The following PCSK9 variants were observed in gnomAD, a reference collection of about 807,000 sequenced individuals.
PCSK9 encodes the protein convertase subtilisin/kexin type 9 preproprotein.
PCSK9 carries 57 observed loss-of-function variants against 62.1 expected under a neutral mutation model. The ratio of observed to expected loss-of-function variants is 0.92; its 90% CI spans 0.74 to 1.14. PCSK9 has a LOEUF of 1.14. Ranked by LOEUF, PCSK9 falls within the 50% of genes most tolerant of loss-of-function variation. The probability of loss-of-function intolerance (pLI) is 0.00; values close to 1 mark genes in which losing one functional copy is unlikely to be tolerated. For missense variants in PCSK9, 870 were observed against 959.8 expected (o/e 0.91, Z 1.24); for synonymous variants, 387 against 409.4 (o/e 0.95, Z 0.66).
At position 55,063,645 on chromosome 1, in the gene PCSK9, G is replaced by A; in HGVS notation, c.*61G>A. ...AAGGGCTGGGGCTGAGCTTTAAAAT[G>A]GTTCCGACTTGTCCCTCTCTCAGCC... On this transcript the variant is annotated 3_prime_UTR_variant, in exon 12 of 12. Coordinates refer to ENST00000302118, the MANE Select transcript of PCSK9 (RefSeq NM_174936.4). The A allele has an allele frequency of 6.5e-7, 1 of 1,535,816 alleles. No homozygotes were observed. The highest frequency in any genetic ancestry group is 8.8e-7 in the Non-Finnish European group (1 of 1,135,054).
At chr1:55,047,847 C>G (rs1321276251) in intron 3 of PCSK9, among the ~76,000 whole-genome samples, 2 of 152,146 alleles carry the variant, frequency 1.3e-5, no homozygotes, top group African/African-American at 2.4e-5. Flanking sequence ...GTAGGAAGAG[C>G]CTGTTCCTTT....
At chr1:55,059,045 A>C (rs567745998) in intron 9 of PCSK9, among the ~76,000 whole-genome samples, 2 of 152,292 alleles carry the variant, frequency 1.3e-5, no homozygotes, top group Admixed American at 6.5e-5. Flanking sequence ...ACCAGCAAAA[A>C]AGTGGAATTG....
At chr1:55,050,800 C>T (rs1644667505) in intron 3 of PCSK9, 1 of 276,320 alleles carries the variant, frequency 3.6e-6, no homozygotes. Context: ...TAGTGGCCCC[C>T]ACAGATACAC....
chr1:55,055,360 C>T (rs1384112412), intron 5 of PCSK9, among the ~76,000 whole-genome samples: 1 of 152,082 alleles, frequency 6.6e-6, no homozygotes, highest in Non-Finnish European at 1.5e-5. Context: ...CTTCTCATTC[C>T]TCTGAGGCTC....
In PCSK9 at chr1:55,061,253, A is replaced by T; in HGVS notation, c.1682-122A>T. 4 of 1,118,892 alleles carry T rather than the reference A, an allele frequency of 3.6e-6. No homozygotes were observed. In the Admixed American group the frequency reaches 8.4e-5, roughly 23 times the overall value. 69.3% of individuals were successfully genotyped at this position (1,118,892 alleles called of 1,614,324 possible). A position where few individuals can be genotyped will look rare whatever the true frequency, so the allele number is the denominator to read the frequency against. ...AGGCCAGCATCTCTTTTTTTCTTTGAGTTGTTTCTAGGTTTCCTAGCTCTT... is the reference window on the plus strand; with the variant it reads ...AGGCCAGCATCTCTTTTTTTCTTTGTGTTGTTTCTAGGTTTCCTAGCTCTT... On this transcript the variant is annotated intron_variant, in intron 10 of 11. Transcript: ENST00000302118.
At chr1:55,051,373 G>A (rs1026048357) in intron 3 of PCSK9, 8 of 352,726 alleles carry the variant, frequency 2.3e-5, no homozygotes, top group African/African-American at 1.3e-4. Context: ...TTCCGCTGGC[G>A]CAGGACTCTG....
In PCSK9 at chr1:55,039,722, C is replaced by T; in HGVS notation, c.-116C>T. On this transcript the variant is annotated 5_prime_UTR_variant, in exon 1 of 12. Coordinates refer to ENST00000302118, the MANE Select transcript of PCSK9 (RefSeq NM_174936.4). ...GCGCGCCCCTTCACGCGCCCTGCTC[C>T]TGAACTTCAGCTCCTGCACAGTCCT... 10 of 1,279,338 alleles carry T rather than the reference C, an allele frequency of 7.8e-6. No individual in the cohort carries two copies. The highest frequency in any genetic ancestry group is 1.1e-5 in the Non-Finnish European group (10 of 916,626). 79.2% of individuals were successfully genotyped at this position (1,279,338 alleles called of 1,614,324 possible).
chr1:55,052,705 A>G lies in PCSK9; in HGVS notation c.713A>G (p.Asp238Gly), dbSNP rs1557503867. The G allele has an allele frequency of 6.2e-7, 1 of 1,613,146 alleles. No individual in the cohort carries two copies. Among genetic ancestry groups the G allele is most frequent in the Non-Finnish European group, 8.5e-7 (1 of 1,179,962 alleles). The change falls in exon 5 of 12, where the codon GAT becomes GGT. Residue 238 changes from aspartate to glycine, a missense_variant. By Grantham distance (94) the Asp-to-Gly change is moderately conservative (BLOSUM62 -1). Coordinates refer to ENST00000302118, the MANE Select transcript of PCSK9 (RefSeq NM_174936.4). Reference protein sequence around the residue: ...THLAGVVSGRDAGVAKGASMR... With the variant: ...THLAGVVSGRGAGVAKGASMR... ...CTGGCAGGGGTGGTCAGCGGCCGGG[A>G]TGCCGGCGTGGCCAAGGGTGCCAGC... is the stretch of plus-strand genomic sequence containing the variant.
At position 55,040,219 on chromosome 1, in the gene PCSK9, G is replaced by A. The variant is rs116806204; in HGVS notation, c.207+175G>A. Reference sequence around the variant, plus strand: ...GCAGGCAAGGCGGCGGGGGAGGACGGGTAGTGGGGAGCACGGTGGAGAGCG... The same window carrying A: ...GCAGGCAAGGCGGCGGGGGAGGACGAGTAGTGGGGAGCACGGTGGAGAGCG... On this transcript the variant is annotated intron_variant, in intron 1 of 11. Transcript: ENST00000302118. The surrounding 1 kb of genome is among the most constrained non-coding windows in gnomAD (Gnocchi z 4.1). Among the ~76,000 whole-genome samples, 411 of 152,322 alleles carry A rather than the reference G, an allele frequency of 2.7e-3. 1 individual carries two copies. Among genetic ancestry groups the A allele is most frequent in the Non-Finnish European group, 3.5e-3 (236 of 68,030 alleles).
chr1:55,056,559 C>G (rs948941687), intron 6 of PCSK9, among the ~76,000 whole-genome samples: 1 of 152,182 alleles, frequency 6.6e-6, no homozygotes, highest in East Asian at 1.9e-4. Flanking sequence ...CTGCCCAATA[C>G]TCTTTGGGCC....
At chr1:55,046,772 A>T in intron 3 of PCSK9, 126 bp downstream of exon 3, 1 of 1,070,918 alleles carries the variant, frequency 9.3e-7, no homozygotes, top group South Asian at 1.6e-5. Context: ...ACCTCCACTG[A>T]CCCCTTTTTT....
rs776456935 is a variant in PCSK9 at position 55,043,813 on chromosome 1, GTCA to G, written c.208-25_208-23del. 4.3e-5 allele frequency: 70 copies of G among 1,613,040 alleles called. No individual in the cohort carries two copies. The African/African-American group carries it at 8.0e-4, about 18-fold the overall frequency. On this transcript the variant is annotated intron_variant, in intron 1 of 11. Coordinates refer to ENST00000302118, the MANE Select transcript of PCSK9 (RefSeq NM_174936.4). ...CTAGGGTTTGCTGGGTTTCTTCCAT[GTCA>G]TCATGTTCCTCCTTGCATGGGGCCA...
chr1:55,056,938 C>T (rs981446471), intron 6 of PCSK9, among the ~76,000 whole-genome samples: 1 of 43,222 alleles, frequency 2.3e-5, no homozygotes, highest in African/African-American at 5.9e-5. Context: ...CTAGGTCCCC[C>T]CTGGCCTATC....
intron 1 of PCSK9, among the ~76,000 whole-genome samples, chr1:55,043,027 C>T (rs1644608073): frequency 6.6e-6 from 1 of 152,246 alleles, no homozygotes; most frequent in African/African-American, 2.4e-5. Flanking sequence ...GTAGGCTCCC[C>T]TTCACCTTCT....
rs768846693 is a variant in PCSK9 at position 55,052,739 on chromosome 1, C to A, written c.747C>A (p.Ser249Arg). 19 of 1,613,080 alleles carry A rather than the reference C, an allele frequency of 1.2e-5. No individual in the cohort carries two copies. Among genetic ancestry groups the A allele is most frequent in the East Asian group, 8.9e-5 (4 of 44,896 alleles). ...TGGCCAAGGGTGCCAGCATGCGCAG[C>A]CTGCGCGTGCTCAACTGCCAAGGGA... ...AGVAKGASMR[S>R]LRVLNCQGKG... The change falls in exon 5 of 12, where the codon AGC becomes AGA. Residue 249 changes from serine (S) to arginine (R), a missense_variant. Physicochemically the swap from Ser to Arg is moderately radical, Grantham distance 110 (BLOSUM62 -1). Transcript: ENST00000302118.
chr1:55,043,590 G>C (rs1048251209), intron 1 of PCSK9, among the ~76,000 whole-genome samples: 1 of 152,232 alleles, frequency 6.6e-6, no homozygotes, highest in South Asian at 2.1e-4. Context: ...ACCTGTTGTC[G>C]AGTGTGGCCC....
chr1:55,043,956 C>T lies in PCSK9; in HGVS notation c.321C>T (p.Tyr107=), dbSNP rs886039840. ...AGGCCCAGGCTGCCCGCCGGGGATA[C>T]CTCACCAAGATCCTGCATGTCTTCC... ...RLQAQAARRG[Y]LTKILHVFHG... is the part of the protein sequence containing the mutation. Residue 107 remains tyrosine, a synonymous_variant, in exon 2 of 12, where the codon TAC becomes TAT. Transcript: ENST00000302118. 6.2e-7 allele frequency: 1 copy of T among 1,614,236 alleles called. No individual in the cohort carries two copies. Among genetic ancestry groups the T allele is most frequent in the Non-Finnish European group, 8.5e-7 (1 of 1,180,044 alleles).
intron 6 of PCSK9, among the ~76,000 whole-genome samples, chr1:55,056,593 C>T (rs1005853379): frequency 6.6e-6 from 1 of 152,328 alleles, no homozygotes; most frequent in Non-Finnish European, 1.5e-5. Context: ...GCTCTCTCCG[C>T]GGCTCCATGA....
chr1:55,043,691 G>T, intron 1 of PCSK9, 152 bp from the exon 2 acceptor site: 1 of 888,500 alleles, frequency 1.1e-6, no homozygotes, highest in Non-Finnish European at 1.8e-6. Flanking sequence ...TCTTTAATTT[G>T]CTTTTTGGTC....
Sources: allele counts gnomAD v4.1 joint callset (sites outside exome capture counted in the v4.1 genomes callset), GRCh38; gene constraint gnomAD v4.1.1; non-coding constraint Gnocchi (gnomAD v3.1); transcripts MANE v1.5; gene names NCBI Gene and HGNC (gene_info 2026-07-23, HGNC 2026-07-21).